The following RNLS variants were observed in gnomAD, a reference collection of about 807,000 sequenced individuals.
The protein encoded by RNLS is renalase, FAD dependent amine oxidase.
A neutral mutation model predicts 39.8 loss-of-function variants in RNLS; 39 were observed. The ratio of observed to expected loss-of-function variants is 0.98; its 90% CI spans 0.76 to 1.28. The LOEUF is 1.28. Ranked by LOEUF, RNLS falls within the 50% of genes most tolerant of loss-of-function variation. RNLS has a pLI of 0.00. For missense variants in RNLS, 410 were observed against 413.3 expected (o/e 0.99, Z 0.07); for synonymous variants, 147 against 150.7 (o/e 0.98, Z 0.18).
At chr10:88,244,430 G>A in the RNLS span, among the ~76,000 whole-genome samples, 3 of 152,188 alleles carry the variant, frequency 2.0e-5, no homozygotes, top group Admixed American at 1.3e-4. Context: ...TCCAGGAAGA[G>A]TAGCAGTAAC....
intron 4 of RNLS, among the ~76,000 whole-genome samples, chr10:88,570,162 C>G (rs953706993): frequency 6.6e-6 from 1 of 152,196 alleles, no homozygotes; most frequent in African/African-American, 2.4e-5. Context: ...ACAGCTCAAT[C>G]ACTCTCATGG....
chr10:88,174,475 T>C, the RNLS span, among the ~76,000 whole-genome samples: 6 of 152,306 alleles, frequency 3.9e-5, no homozygotes, highest in East Asian at 7.7e-4. Flanking sequence ...TGAAGGGATG[T>C]TGAATTTTAT....
chr10:88,232,579 TCTTA>T, the RNLS span, among the ~76,000 whole-genome samples: 2 of 152,138 alleles, frequency 1.3e-5, no homozygotes, highest in African/African-American at 2.4e-5. Flanking sequence ...GTGCCCAGCT[TCTTA>T]CTTCCACTTC....
intron 4 of RNLS, among the ~76,000 whole-genome samples, chr10:88,532,799 C>T (rs1589968383): frequency 6.6e-6 from 1 of 151,818 alleles, no homozygotes; most frequent in East Asian, 1.9e-4. Flanking sequence ...TACATAAAGG[C>T]AATGAAAATA....
chr10:88,565,660 A>G (rs932998158), intron 4 of RNLS, among the ~76,000 whole-genome samples: 3 of 151,978 alleles, frequency 2.0e-5, no homozygotes, highest in Non-Finnish European at 4.4e-5. Context: ...CATATGGCAC[A>G]ATACTCCTCC....
chr10:88,354,620 G>T (rs1086835), intron 5 of RNLS, among the ~76,000 whole-genome samples: 9 of 152,104 alleles, frequency 5.9e-5, no homozygotes, highest in Non-Finnish European at 7.3e-5. Flanking sequence ...GAGGGTAACC[G>T]GACCTTTCTC....
At chr10:88,495,027 T>C (rs941955046) in intron 4 of RNLS, among the ~76,000 whole-genome samples, 9 of 152,158 alleles carry the variant, frequency 5.9e-5, no homozygotes, top group African/African-American at 2.2e-4. Flanking sequence ...ATTCAGCAAC[T>C]ACTTTGAAGG....
chr10:88,464,961 C>T (rs1161265518), intron 4 of RNLS, among the ~76,000 whole-genome samples: 2 of 152,104 alleles, frequency 1.3e-5, no homozygotes, highest in African/African-American at 2.4e-5. Flanking sequence ...GTGGTTCAAA[C>T]TGGAATGGCT....
chr10:88,474,437 T>C (rs1286404309), intron 4 of RNLS, among the ~76,000 whole-genome samples: 1 of 152,186 alleles, frequency 6.6e-6, no homozygotes, highest in African/African-American at 2.4e-5. Flanking sequence ...AGCAATTAAA[T>C]GCTAGCAGCA....
intron 4 of RNLS, among the ~76,000 whole-genome samples, chr10:88,557,108 A>G (rs979559953): frequency 2.6e-5 from 4 of 152,216 alleles, no homozygotes; most frequent in African/African-American, 9.6e-5. Context: ...ATTTAAAAAT[A>G]AAACTGAATT....
chr10:88,529,382 G>A (rs887942412), intron 4 of RNLS, among the ~76,000 whole-genome samples: 1 of 152,244 alleles, frequency 6.6e-6, no homozygotes, highest in South Asian at 2.1e-4. Context: ...AAATGGCTAC[G>A]TTTAGCTATA....
At chr10:88,207,575 T>G in the RNLS span, among the ~76,000 whole-genome samples, 14 of 152,178 alleles carry the variant, frequency 9.2e-5, no homozygotes, top group Non-Finnish European at 2.1e-4. Flanking sequence ...ACACATTGCT[T>G]TAAAAGAATC....
chr10:88,501,017 C>T (rs1374629449), intron 4 of RNLS, among the ~76,000 whole-genome samples: 1 of 121,984 alleles, frequency 8.2e-6, no homozygotes, highest in African/African-American at 2.7e-5. Flanking sequence ...GTATATATAT[C>T]TCTGTGTGTG....
intron 4 of RNLS, among the ~76,000 whole-genome samples, chr10:88,569,869 T>A (rs368425738): frequency 2.6e-5 from 4 of 152,018 alleles, no homozygotes; most frequent in South Asian, 2.1e-4. Context: ...AAAGATTATA[T>A]CATAGTATTC....
At chr10:88,580,209 C>T (rs1029844739) in intron 3 of RNLS, among the ~76,000 whole-genome samples, 34 of 152,180 alleles carry the variant, frequency 2.2e-4, no homozygotes, top group African/African-American at 7.0e-4. Context: ...TTTATCCATA[C>T]TCACATATAC....
the RNLS span, among the ~76,000 whole-genome samples, chr10:88,184,560 G>A: frequency 6.6e-6 from 1 of 151,988 alleles, no homozygotes; most frequent in Non-Finnish European, 1.5e-5. Context: ...ACTGAATTTA[G>A]CCCTCAAGTT....
At chr10:88,555,876 C>T (rs1848847815) in intron 4 of RNLS, among the ~76,000 whole-genome samples, 1 of 152,092 alleles carries the variant, frequency 6.6e-6, no homozygotes, top group Non-Finnish European at 1.5e-5. Flanking sequence ...TTCTAGTTTC[C>T]AAACATTGCA....
chr10:88,378,058 G>A (rs1044766214), intron 4 of RNLS, among the ~76,000 whole-genome samples: 31 of 151,726 alleles, frequency 2.0e-4, no homozygotes, highest in Admixed American at 4.6e-4. Flanking sequence ...GGTCAGGGTC[G>A]TCAATATCAC....
intron 4 of RNLS, among the ~76,000 whole-genome samples, chr10:88,420,472 T>G (rs1421361647): frequency 6.6e-6 from 1 of 152,216 alleles, no homozygotes; most frequent in Non-Finnish European, 1.5e-5. Context: ...TCATACTCCT[T>G]ACAGAGGCTC....
Sources: gnomAD v4.1 joint callset for allele counts (sites outside exome capture counted in the v4.1 genomes callset) on GRCh38, gnomAD v4.1.1 for gene constraint, MANE v1.5 for transcripts, NCBI Gene and HGNC (gene_info 2026-07-23, HGNC 2026-07-21) for gene names.